Variants in NRG1 observed in about 807,000 individuals in gnomAD.
The protein encoded by NRG1 is pro-neuregulin-1, membrane-bound isoform.
In NRG1, 18 loss-of-function variants were observed where a neutral mutation model predicts 63.8. That is an observed-to-expected ratio of 0.28 (90% CI 0.19 to 0.42). The LOEUF (loss-of-function observed/expected upper bound fraction) is 0.42, where lower values mean the gene tolerates loss of function less well. NRG1 is among the 10% of genes least tolerant of loss of function. NRG1 has a pLI of 1.00. For missense variants in NRG1, 762 were observed against 814.7 expected (o/e 0.94, Z 0.79); for synonymous variants, 302 against 301.3 (o/e 1.00, Z -0.02).
intron 1 of NRG1, among the ~76,000 whole-genome samples, chr8:31,733,802 G>A (rs879413188): frequency 4.6e-5 from 7 of 152,010 alleles, no homozygotes; most frequent in African/African-American, 7.2e-5. Context: ...CTGCCCCCCC[G>A]CCCACATGAC....
chr8:32,507,472 A>G (rs867086273), intron 1 of NRG1, among the ~76,000 whole-genome samples: 9 of 152,350 alleles, frequency 5.9e-5, no homozygotes, highest in African/African-American at 1.9e-4. Context: ...TTTCAACTGG[A>G]AAGTGTTTGA....
intron 1 of NRG1, among the ~76,000 whole-genome samples, chr8:32,242,156 T>A (rs1471928667): frequency 2.0e-5 from 3 of 152,084 alleles, no homozygotes; most frequent in Non-Finnish European, 4.4e-5. Flanking sequence ...ATGCCTAAAT[T>A]GCAGGGTTTA....
intron 1 of NRG1, among the ~76,000 whole-genome samples, chr8:32,253,041 T>A (rs7461455): frequency 0.69 from 105,638 of 152,078 alleles, 37,258 homozygotes; most frequent in African/African-American, 0.79. Flanking sequence ...TTAAACATTG[T>A]TTTTGTATTC....
intron 1 of NRG1, among the ~76,000 whole-genome samples, chr8:32,340,767 C>T (rs1287659890): frequency 6.6e-6 from 1 of 152,214 alleles, no homozygotes. Context: ...ACCCCTTAAG[C>T]CCGATATCCT....
chr8:31,874,999 A>G (rs1829793405), intron 1 of NRG1, among the ~76,000 whole-genome samples: 1 of 152,206 alleles, frequency 6.6e-6, no homozygotes, highest in Admixed American at 6.5e-5. Flanking sequence ...TGACAAGGTT[A>G]TCCCAGAGTT....
At chr8:31,840,696 G>C (rs998750655) in intron 1 of NRG1, among the ~76,000 whole-genome samples, 30 of 152,130 alleles carry the variant, frequency 2.0e-4, no homozygotes, top group African/African-American at 5.8e-4. Flanking sequence ...TATTTTCACA[G>C]ATCCATTTTT....
At chr8:32,572,409 C>A (rs1838778263) in intron 1 of NRG1, among the ~76,000 whole-genome samples, 1 of 152,090 alleles carries the variant, frequency 6.6e-6, no homozygotes. Flanking sequence ...TTTAAAATTT[C>A]TTCTATTGTT....
chr8:31,678,841 A>C (rs1017866954), intron 1 of NRG1, among the ~76,000 whole-genome samples: 3 of 150,102 alleles, frequency 2.0e-5, no homozygotes, highest in Non-Finnish European at 3.0e-5. Context: ...ATATAAAATT[A>C]TTTAAATATT....
intron 1 of NRG1, among the ~76,000 whole-genome samples, chr8:32,189,158 G>A (rs1371783007): frequency 6.6e-6 from 1 of 152,038 alleles, no homozygotes; most frequent in Non-Finnish European, 1.5e-5. Context: ...GGGGTTACAT[G>A]TACAGGTTTG....
intron 6 of NRG1, among the ~76,000 whole-genome samples, chr8:32,733,083 A>C (rs1049543646): frequency 5.9e-5 from 9 of 152,294 alleles, no homozygotes; most frequent in African/African-American, 2.2e-4. Flanking sequence ...CTGGGATTAC[A>C]GGCATGAGCC....
intron 1 of NRG1, among the ~76,000 whole-genome samples, chr8:31,870,738 ATTT>A (rs976926851): frequency 2.6e-5 from 4 of 151,916 alleles, no homozygotes; most frequent in African/African-American, 9.7e-5. Flanking sequence ...TTTTTGATTT[ATTT>A]ATTTATTTTT....
intron 1 of NRG1, among the ~76,000 whole-genome samples, chr8:32,591,409 A>G (rs1842497558): frequency 6.6e-6 from 1 of 152,170 alleles, no homozygotes; most frequent in South Asian, 2.1e-4. Flanking sequence ...ATTTTAGCTA[A>G]GAAGGACCTT....
At chr8:32,097,768 G>A (rs915108626) in intron 1 of NRG1, among the ~76,000 whole-genome samples, 4 of 152,170 alleles carry the variant, frequency 2.6e-5, no homozygotes, top group African/African-American at 9.6e-5. Flanking sequence ...TTAAGTAACT[G>A]AATAAATGGG....
chr8:32,394,159 G>C (rs903950149), intron 1 of NRG1, among the ~76,000 whole-genome samples: 3 of 152,096 alleles, frequency 2.0e-5, no homozygotes, highest in Non-Finnish European at 4.4e-5. Context: ...CTGTGTTCCT[G>C]CTTTAATCTA....
At chr8:31,664,342 G>T (rs1200572804) in intron 1 of NRG1, among the ~76,000 whole-genome samples, 1 of 152,004 alleles carries the variant, frequency 6.6e-6, no homozygotes, top group African/African-American at 2.4e-5. Flanking sequence ...AGGCTTACCT[G>T]GGTGGAGGGA....
chr8:32,325,726 G>A (rs950142497), intron 1 of NRG1, among the ~76,000 whole-genome samples: 7 of 152,096 alleles, frequency 4.6e-5, no homozygotes, highest in Admixed American at 2.6e-4. Flanking sequence ...GCCTCAAAAA[G>A]CAAGCTTTAA....
At chr8:32,201,715 A>G (rs78718898) in intron 1 of NRG1, among the ~76,000 whole-genome samples, 3,090 of 152,284 alleles carry the variant, frequency 0.02, 101 homozygotes, top group African/African-American at 0.071. Flanking sequence ...TAAAGAGAAA[A>G]TCCCCATTTC....
rs1210385352 is a variant in NRG1 at position 31,640,526 on chromosome 8, TCA to T, written c.37+1097_37+1098del. The T allele has an allele frequency of 3.1e-6, 5 of 1,611,726 alleles. No individual in the cohort carries two copies. Among genetic ancestry groups the T allele is most frequent in the Non-Finnish European group, 4.2e-6 (5 of 1,179,422 alleles). On this transcript the variant is annotated intron_variant, in intron 1 of 10. Coordinates refer to the NRG1 transcript ENST00000519301. This position sits in a 1 kb window ranked among gnomAD's most constrained non-coding sequence, Gnocchi z 6.3. ...GGGGGCTTGAAGAAGGACTCGCTGC[TCA>T]CCGTGCGCCTGGGGACCTGGGGCCA...
At chr8:32,512,410 G>T (rs1829325003) in intron 1 of NRG1, among the ~76,000 whole-genome samples, 1 of 152,140 alleles carries the variant, frequency 6.6e-6, no homozygotes, top group Non-Finnish European at 1.5e-5. Flanking sequence ...ATAGCTTTAT[G>T]ATCACATGAA....
Sources: gnomAD v4.1 joint callset for allele counts (sites outside exome capture counted in the v4.1 genomes callset) on GRCh38, gnomAD v4.1.1 for gene constraint, Gnocchi (gnomAD v3.1) non-coding constraint, MANE v1.5 for transcripts, NCBI Gene and HGNC (gene_info 2026-07-23, HGNC 2026-07-21) for gene names.